Variants in CCSER1 observed in about 807,000 individuals in gnomAD.
The protein encoded by CCSER1 is coiled-coil serine rich protein 1.
In CCSER1, 41 loss-of-function variants were observed where a neutral mutation model predicts 82.0. The ratio of observed to expected loss-of-function variants is 0.50; its 90% confidence interval spans 0.39 to 0.65. The LOEUF (loss-of-function observed/expected upper bound fraction) is 0.65. Ranked by LOEUF, CCSER1 falls within the 30% of genes least tolerant of loss-of-function variation. The probability of loss-of-function intolerance (pLI) is 0.00; values close to 1 mark genes in which losing one functional copy is unlikely to be tolerated. For missense variants in CCSER1, 1,119 were observed against 1,064.2 expected, an observed-to-expected ratio of 1.05 and a Z score of -0.72; for synonymous variants, 414 against 383.9, an observed-to-expected ratio of 1.08 and a Z score of -0.92.
At chr4:90,244,194 T>A (rs1005355684) in intron 1 of CCSER1, among the ~76,000 whole-genome samples, 1 of 152,218 alleles carries the variant, frequency 6.6e-6, no homozygotes, top group African/African-American at 2.4e-5. Flanking sequence ...AACATCTGAC[T>A]ATTGTGAGTG....
intron 10 of CCSER1, among the ~76,000 whole-genome samples, chr4:91,594,142 TTTGAGA>T (rs915128077): frequency 8.1e-6 from 1 of 123,222 alleles, no homozygotes; most frequent in African/African-American, 2.9e-5. Context: ...TAATTCTGAT[TTTGAGA>T]AAGATGTGGC....
chr4:91,407,036 A>G (rs1227945114), intron 10 of CCSER1, among the ~76,000 whole-genome samples: 1 of 152,196 alleles, frequency 6.6e-6, no homozygotes, highest in African/African-American at 2.4e-5. Context: ...ACTTCAATGA[A>G]TTATTCAGCC....
chr4:90,716,694 G>C (rs1741700595), intron 6 of CCSER1, among the ~76,000 whole-genome samples: 1 of 152,088 alleles, frequency 6.6e-6, no homozygotes, highest in African/African-American at 2.4e-5. Context: ...TGTAGCCTGA[G>C]AGCAATACGC....
intron 9 of CCSER1, among the ~76,000 whole-genome samples, chr4:91,067,350 T>TAA (rs1465412324): frequency 2.0e-5 from 3 of 147,498 alleles, no homozygotes. Flanking sequence ...TTTTTTTTTC[T>TAA]TTTTTTTTTG....
chr4:91,562,882 A>G (rs1038866470), intron 10 of CCSER1, among the ~76,000 whole-genome samples: 1 of 151,682 alleles, frequency 6.6e-6, no homozygotes, highest in Non-Finnish European at 1.5e-5. Context: ...CAAATTACAT[A>G]AAGACGTTTG....
chr4:91,141,404 G>C (rs1257373523), intron 10 of CCSER1, among the ~76,000 whole-genome samples: 1 of 152,090 alleles, frequency 6.6e-6, no homozygotes, highest in Non-Finnish European at 1.5e-5. Context: ...TGCCCGCCTT[G>C]GCCTCCCAAA....
At chr4:91,098,288 G>T (rs902770476) in intron 10 of CCSER1, among the ~76,000 whole-genome samples, 3 of 152,126 alleles carry the variant, frequency 2.0e-5, no homozygotes, top group Admixed American at 1.3e-4. Flanking sequence ...ACTTGAAATT[G>T]AAAATCATTT....
intron 10 of CCSER1, among the ~76,000 whole-genome samples, chr4:91,278,350 A>G (rs1742640286): frequency 6.6e-6 from 1 of 152,106 alleles, no homozygotes; most frequent in Non-Finnish European, 1.5e-5. Context: ...TGCTTTATGT[A>G]TCTGGTGCTC....
intron 10 of CCSER1, among the ~76,000 whole-genome samples, chr4:91,494,262 G>A (rs1287600464): frequency 6.6e-6 from 1 of 151,812 alleles, no homozygotes; most frequent in Non-Finnish European, 1.5e-5. Context: ...GAGACAATGT[G>A]CAAATGTGAA....
At chr4:91,004,171 A>C (rs1262958447) in intron 9 of CCSER1, among the ~76,000 whole-genome samples, 7 of 151,992 alleles carry the variant, frequency 4.6e-5, no homozygotes, top group Admixed American at 3.9e-4. Flanking sequence ...CTAGAGCAAA[A>C]CGTCACAATG....
intron 3 of CCSER1, among the ~76,000 whole-genome samples, chr4:90,314,836 A>C (rs1269512152): frequency 7.7e-6 from 1 of 129,090 alleles, no homozygotes; most frequent in African/African-American, 2.9e-5. Context: ...TCTCAGATTT[A>C]CTTTTTTTTT....
chr4:90,423,722 C>T (rs1757072861), intron 4 of CCSER1, among the ~76,000 whole-genome samples: 1 of 152,086 alleles, frequency 6.6e-6, no homozygotes, highest in Non-Finnish European at 1.5e-5. Context: ...GGTGATCCGC[C>T]TGCATCGGCT....
intron 10 of CCSER1, among the ~76,000 whole-genome samples, chr4:91,496,546 A>C (rs1758817398): frequency 1.5e-5 from 2 of 130,778 alleles, no homozygotes; most frequent in South Asian, 2.3e-4. Context: ...CATGAGTGGT[A>C]TAGTTGGCAT....
intron 3 of CCSER1, among the ~76,000 whole-genome samples, chr4:90,333,339 T>C (rs574475497): frequency 2.6e-5 from 4 of 152,128 alleles, no homozygotes; most frequent in African/African-American, 9.6e-5. Context: ...GTTTTGATGA[T>C]GAATTGTGGA....
intron 3 of CCSER1, among the ~76,000 whole-genome samples, chr4:90,349,586 T>C (rs1190623357): frequency 6.6e-6 from 1 of 152,108 alleles, no homozygotes; most frequent in African/African-American, 2.4e-5. Context: ...TCTGTAATCT[T>C]CCATCCTTTA....
At chr4:90,458,094 A>T (rs1762415586) in intron 4 of CCSER1, among the ~76,000 whole-genome samples, 1 of 152,174 alleles carries the variant, frequency 6.6e-6, no homozygotes, top group South Asian at 2.1e-4. Context: ...TTCAGGCAGC[A>T]GGAGCCTGCT....
intron 1 of CCSER1, among the ~76,000 whole-genome samples, chr4:90,198,286 C>T (rs549842108): frequency 2.3e-4 from 35 of 152,098 alleles, no homozygotes; most frequent in South Asian, 2.1e-3. Flanking sequence ...CAAATACTCC[C>T]CCATCCTGAG....
At chr4:90,295,220 A>G (rs1731647706) in intron 1 of CCSER1, among the ~76,000 whole-genome samples, 1 of 152,018 alleles carries the variant, frequency 6.6e-6, no homozygotes, top group South Asian at 2.1e-4. Flanking sequence ...GCTGAGAAGT[A>G]GAATTATTTT....
chr4:90,402,621 T>A (rs138279323), intron 4 of CCSER1, among the ~76,000 whole-genome samples: 1,543 of 152,322 alleles, frequency 0.01, 17 homozygotes, highest in South Asian at 0.03. Context: ...AGATTTTCAT[T>A]GTAAAAAATA....
Sources: allele counts gnomAD v4.1 joint callset (sites outside exome capture counted in the v4.1 genomes callset), GRCh38; gene constraint gnomAD v4.1.1; transcripts MANE v1.5; gene names NCBI Gene and HGNC (gene_info 2026-07-23, HGNC 2026-07-21).